The following NFKBIB variants were observed in gnomAD, a reference collection of about 807,000 sequenced individuals.
NFKBIB encodes the protein NFKB inhibitor beta, also known as NF-kappa-B inhibitor beta.
Under a neutral mutation model 32.1 loss-of-function variants are expected in NFKBIB, and 16 were observed. The ratio of observed to expected loss-of-function variants is 0.50; its 90% CI spans 0.34 to 0.76. The LOEUF (loss-of-function observed/expected upper bound fraction) is 0.76, where lower values mean the gene tolerates loss of function less well. Among genes scored for constraint, NFKBIB ranks in the 30% least tolerant of loss-of-function variants. NFKBIB has a pLI of 0.01. For missense variants in NFKBIB, 437 were observed against 514.9 expected (o/e 0.85, Z 1.46); for synonymous variants, 222 against 219.5 (o/e 1.01, Z -0.10).
At chr19:38,907,748 C>T (rs747397652) in intron 5 of NFKBIB, 89 bp downstream of exon 5, 1 of 1,466,322 alleles carries the variant, frequency 6.8e-7, no homozygotes, top group Non-Finnish European at 9.1e-7. Flanking sequence ...TAGGCACCGA[C>T]CTTGGGCTGC....
intron 1 of NFKBIB, among the ~76,000 whole-genome samples, chr19:38,903,153 G>A (rs1974019444): frequency 6.6e-6 from 1 of 152,000 alleles, no homozygotes; most frequent in Non-Finnish European, 1.5e-5. Flanking sequence ...GACTAAAATA[G>A]TTATCTGGCT....
chr19:38,904,461 A>G (rs1411594452), intron 1 of NFKBIB, among the ~76,000 whole-genome samples: 7 of 126,150 alleles, frequency 5.5e-5, no homozygotes, highest in Non-Finnish European at 1.7e-5. Context: ...TTCCCCAGCA[A>G]TCTCTCCTTT....
intron 1 of NFKBIB, among the ~76,000 whole-genome samples, chr19:38,902,722 T>C (rs1349062568): frequency 1.3e-5 from 2 of 152,232 alleles, no homozygotes; most frequent in Non-Finnish European, 2.9e-5. Context: ...GCAAGCTCAC[T>C]CATTTACATA....
At chr19:38,907,744 C>T in intron 5 of NFKBIB, 85 bp downstream of exon 5, 3 of 1,474,652 alleles carry the variant, frequency 2.0e-6, no homozygotes, top group Non-Finnish European at 2.7e-6. Context: ...TAATTAGGCA[C>T]CGACCTTGGG....
chr19:38,900,320 C>T (rs1973906884), intron 1 of NFKBIB, 109 bp downstream of exon 1: 1 of 1,230,816 alleles, frequency 8.1e-7, no homozygotes, highest in Non-Finnish European at 1.1e-6. Context: ...ATCTGACTTC[C>T]GATGCTGAAC....
chr19:38,907,533 C>T lies in NFKBIB; in HGVS notation c.843C>T (p.Ala281=), dbSNP rs1374151912. 1.2e-6 allele frequency: 2 copies of T among 1,612,646 alleles called. No individual in the cohort carries two copies. Among genetic ancestry groups the T allele is most frequent in the Admixed American group, 1.7e-5 (1 of 60,018 alleles). Residue 281 remains alanine, a synonymous_variant, in exon 5 of 6, where the codon GCC becomes GCT. Coordinates refer to ENST00000313582, the MANE Select transcript of NFKBIB (RefSeq NM_002503.5). ...GTGGCCGCACCCCACTCGGCAGTGC[C>T]ATGCTCCGGCCCAACCCCATCCTCG... ...MYGGRTPLGS[A]MLRPNPILAR...
intron 1 of NFKBIB, 150 bp downstream of exon 1, chr19:38,900,361 T>TG (rs1303033130): frequency 2.4e-6 from 2 of 831,876 alleles, no homozygotes; most frequent in African/African-American, 3.6e-5. Flanking sequence ...AGTCCTAACT[T>TG]TTAACAAAAC....
chr19:38,905,064 C>A lies in NFKBIB; in HGVS notation c.229C>A (p.Leu77Ile). The A allele has an allele frequency of 6.2e-7, 1 of 1,614,208 alleles. No homozygotes were observed. Among genetic ancestry groups the A allele is most frequent in the Non-Finnish European group, 8.5e-7 (1 of 1,180,038 alleles). ...TCAGCATGAACCCTTCCTGGATTTTCTTCTAGGCTTCTCGGCCGGCACTGA... is the reference window on the plus strand; with the variant it reads ...TCAGCATGAACCCTTCCTGGATTTTATTCTAGGCTTCTCGGCCGGCACTGA... The part of the protein sequence containing the change: ...IHQHEPFLDF[L>I]LGFSAGTEYM... The change falls in exon 2 of 6, where the codon CTT becomes ATT. Residue 77 changes from leucine (L) to isoleucine (I), a missense_variant. Coordinates refer to ENST00000313582, the MANE Select transcript of NFKBIB (RefSeq NM_002503.5). The surrounding 1 kb of genome is among the most constrained non-coding windows in gnomAD (Gnocchi z 5.5).
rs760409922 is a variant in NFKBIB, at chr19:38,907,223, C to T, written c.622C>T (p.His208Tyr). The change falls in exon 4 of 6, where the codon CAC (histidine) becomes TAC (tyrosine). Residue 208 changes from histidine to tyrosine, a missense_variant and splice_region_variant. Physicochemically the swap from His to Tyr is moderately conservative, Grantham distance 83. Coordinates refer to ENST00000313582, the MANE Select transcript of NFKBIB (RefSeq NM_002503.5). ...LQLEAENYEG[H>Y]TPLHVAVIHK... ...GACGCCAATCACTCTGTCCCCAGGC[C>T]ACACCCCACTCCACGTGGCCGTTAT... 4 of 1,611,396 alleles carry T rather than the reference C, an allele frequency of 2.5e-6. No individual in the cohort carries two copies. In the South Asian group the frequency reaches 3.3e-5, roughly 13 times the overall value.
chr19:38,908,770 C>G lies in NFKBIB; in HGVS notation c.1009C>G (p.Gln337Glu). 1.2e-6 allele frequency: 2 copies of G among 1,613,832 alleles called. No homozygotes were observed. The highest frequency in any genetic ancestry group is 1.7e-6 in the Non-Finnish European group (2 of 1,179,942). ...CATTGTGGTTCACAGCAGCCGCAGC[C>G]AAACCCGGCTGCCTCCCACCCCAGC... ...DDIVVHSSRS[Q>E]TRLPPTPASK... is the part of the protein sequence containing the mutation. The change falls in exon 6 of 6, where the codon CAA becomes GAA. Residue 337 changes from glutamine to glutamate, a missense_variant. Transcript: ENST00000313582.
chr19:38,905,673 G>T lies in NFKBIB; in HGVS notation c.619+138G>T. Reference sequence around the variant, plus strand: ...TTCAGGAGCCCACACATCGGGACCAGGGACCTCCACTCAGGGCCCAGATGA... The same window carrying T: ...TTCAGGAGCCCACACATCGGGACCATGGACCTCCACTCAGGGCCCAGATGA... On this transcript the variant is annotated intron_variant, in intron 3 of 5. Coordinates refer to ENST00000313582, the MANE Select transcript of NFKBIB (RefSeq NM_002503.5). The surrounding 1 kb of genome is among the most constrained non-coding windows in gnomAD (Gnocchi z 5.5). The T allele has an allele frequency of 1.5e-6, 1 of 668,096 alleles. No individual in the cohort carries two copies. Among genetic ancestry groups the T allele is most frequent in the Non-Finnish European group, 2.5e-6 (1 of 399,464 alleles). The allele number at this position is 668,096 out of a possible 1,614,324, so 41.4% of individuals were successfully genotyped here.
At position 38,905,321 on chromosome 19, in the gene NFKBIB, C is replaced by T. The variant is rs748016506; in HGVS notation, c.405C>T (p.Cys135=). Residue 135 remains cysteine, a synonymous_variant, in exon 3 of 6, where the codon TGC becomes TGT. Transcript: ENST00000313582. This position sits in a 1 kb window ranked among gnomAD's most constrained non-coding sequence, Gnocchi z 5.5. ...GCCACACGGCGCTGCACCTGGCCTG[C>T]CGTGTGGGGGCACACGCCTGTGCCC... ...RRGHTALHLA[C]RVGAHACARA... 24 of 1,609,428 alleles carry T rather than the reference C, an allele frequency of 1.5e-5. 2 individuals are homozygous for T. The South Asian group carries it at 2.6e-4, about 18-fold the overall frequency.
chr19:38,907,342 C>T (rs551028583), intron 4 of NFKBIB, 33 bp downstream of exon 4: 187 of 1,605,176 alleles, frequency 1.2e-4, no homozygotes, highest in Middle Eastern at 1.2e-3. Flanking sequence ...ATGCCGTCGG[C>T]GGGAGGGGGC....
chr19:38,908,629 C>G, intron 5 of NFKBIB, 102 bp from the exon 6 acceptor site: 2 of 1,427,872 alleles, frequency 1.4e-6, no homozygotes, highest in South Asian at 1.6e-5. Context: ...GGAACTTGGG[C>G]TTTGAGGCGA....
At position 38,905,551 on chromosome 19, in the gene NFKBIB, A is replaced by C. The variant is rs970700836; in HGVS notation, c.619+16A>C. 1.4e-5 allele frequency: 22 copies of C among 1,580,070 alleles called. No homozygotes were observed. The highest frequency in any genetic ancestry group is 1.7e-5 in the Non-Finnish European group (20 of 1,161,666). On this transcript the variant is annotated intron_variant, in intron 3 of 5. Coordinates refer to ENST00000313582, the MANE Select transcript of NFKBIB (RefSeq NM_002503.5). The surrounding 1 kb of genome is among the most constrained non-coding windows in gnomAD (Gnocchi z 5.5). ...AACTACGAGGGTGAGGGTCGTCACC[A>C]GGGAAGGACTCAGCTCCTGGGCTAG...
rs566821803 is a variant in NFKBIB at position 38,901,866 on chromosome 19, C to T, written c.179+1655C>T. On this transcript the variant is annotated intron_variant, in intron 1 of 5. Coordinates refer to ENST00000313582, the MANE Select transcript of NFKBIB (RefSeq NM_002503.5). ...AAAGTGCTGGGTTACAGGGATGAAC[C>T]ACTGTGCCCAGACAGTCTCTGCCTT... Among the ~76,000 whole-genome samples the T allele has an allele frequency of 4.6e-5, 7 of 152,180 alleles. No homozygotes were observed. In the South Asian group the frequency reaches 8.3e-4, roughly 18 times the overall value.
At chr19:38,899,810 G>A, upstream of NFKBIB, 2 of 684,998 alleles carry the variant, frequency 2.9e-6, no homozygotes, top group Non-Finnish European at 4.9e-6. Flanking sequence ...TTGGTAAAGG[G>A]CGCCCGGAAA....
chr19:38,904,529 C>T (rs1974055509), intron 1 of NFKBIB, among the ~76,000 whole-genome samples: 1 of 152,196 alleles, frequency 6.6e-6, no homozygotes, highest in Non-Finnish European at 1.5e-5. Context: ...TCCACAGACT[C>T]TTCCTCCATA....
chr19:38,900,054 G>A lies in NFKBIB; in HGVS notation c.22G>A (p.Gly8Arg). The change falls in exon 1 of 6, where the codon GGA becomes AGA. Residue 8 changes from glycine (G) to arginine (R), a missense_variant. Gly to Arg is a moderately radical substitution (Grantham distance 125, BLOSUM62 -2). Transcript: ENST00000313582. MAGVACL[G>R]KAADADEWCD... The stretch of plus-strand genomic sequence containing the variant: ...GGCCATGGCTGGGGTCGCGTGCTTG[G>A]GAAAAGCTGCCGACGCAGATGAATG... 1 of 1,497,714 alleles carries A rather than the reference G, an allele frequency of 6.7e-7. No homozygotes were observed. The highest frequency in any genetic ancestry group is 8.9e-7 in the Non-Finnish European group (1 of 1,126,084). 92.8% of individuals were successfully genotyped at this position (1,497,714 alleles called of 1,614,324 possible).
Sources: gnomAD v4.1 joint callset for allele counts (sites outside exome capture counted in the v4.1 genomes callset) on GRCh38, gnomAD v4.1.1 for gene constraint, Gnocchi (gnomAD v3.1) non-coding constraint, MANE v1.5 for transcripts, NCBI Gene and HGNC (gene_info 2026-07-23, HGNC 2026-07-21) for gene names.